The following UPK1B variants were observed in gnomAD, a reference collection of about 807,000 sequenced individuals.
UPK1B encodes the protein uroplakin-1b.
A neutral mutation model predicts 34.2 loss-of-function variants in UPK1B; 28 were observed. The ratio of observed to expected loss-of-function variants is 0.82; its 90% CI spans 0.61 to 1.12. UPK1B has a LOEUF of 1.12. Ranked by LOEUF, UPK1B falls within the 50% of genes most tolerant of loss-of-function variation. The probability of loss-of-function intolerance (pLI) is 0.00; values close to 1 mark genes in which losing one functional copy is unlikely to be tolerated. For synonymous variants in UPK1B, 81 were observed against 110.4 expected (o/e 0.73, Z 1.67); for missense variants, 325 against 320.9 (o/e 1.01, Z -0.10).
intron 5 of UPK1B, among the ~76,000 whole-genome samples, chr3:119,192,613 T>C (rs559631341): frequency 9.8e-5 from 15 of 152,294 alleles, no homozygotes; most frequent in Admixed American, 2.0e-4. Context: ...TTTAAGAATA[T>C]AGAAGAAATT....
rs1164478506 is a variant in UPK1B, at chr3:119,179,385, ATATATATATATATT to A, written c.-29+5748_-29+5761del. The stretch of plus-strand genomic sequence containing the variant: ...TATATATATATATATATATATATAT[ATATATATATATATT>A]AATTCTAAGGAATTAACCTATGTGA... On this transcript the variant is annotated intron_variant, in intron 1 of 7. Transcript: ENST00000264234. Among the ~76,000 whole-genome samples the A allele has an allele frequency of 1.6e-3, 140 of 87,696 alleles. 3 individuals carry two copies. Among genetic ancestry groups the A allele is most frequent in the South Asian group, 9.1e-3 (18 of 1,976 alleles). The allele number at this position is 87,696 out of a possible 152,430, so 57.5% of individuals were successfully genotyped here.
chr3:119,176,930 AC>A (rs985653133), intron 1 of UPK1B, among the ~76,000 whole-genome samples: 4 of 152,088 alleles, frequency 2.6e-5, no homozygotes, highest in African/African-American at 9.7e-5. Flanking sequence ...ACAGACCCAA[AC>A]CCCCAAATCA....
intron 1 of UPK1B, among the ~76,000 whole-genome samples, chr3:119,176,376 C>G (rs572379260): frequency 6.6e-6 from 1 of 152,092 alleles, no homozygotes; most frequent in African/African-American, 2.4e-5. Context: ...GTTTTTAGAC[C>G]TTTCAATGTG....
chr3:119,175,999 G>T (rs2107569726), intron 1 of UPK1B: 1 of 152,300 alleles, frequency 6.6e-6, no homozygotes, highest in African/African-American at 2.4e-5. Context: ...TATTTCCAGG[G>T]ACTTATCCTA....
At chr3:119,186,390 T>A (rs2078019698) in intron 1 of UPK1B, among the ~76,000 whole-genome samples, 1 of 152,200 alleles carries the variant, frequency 6.6e-6, no homozygotes, top group African/African-American at 2.4e-5. Flanking sequence ...TCAGTGTGTT[T>A]GGCCCTACCC....
intron 1 of UPK1B, among the ~76,000 whole-genome samples, chr3:119,181,748 C>T (rs4511891): frequency 0.99 from 150,452 of 152,374 alleles, 74,301 homozygotes; most frequent in Middle Eastern, 1. Flanking sequence ...GCGCCTACTA[C>T]ATGTCAGGTA....
At chr3:119,177,915 G>C (rs1376299529) in intron 1 of UPK1B, among the ~76,000 whole-genome samples, 1 of 152,194 alleles carries the variant, frequency 6.6e-6, no homozygotes, top group Non-Finnish European at 1.5e-5. Flanking sequence ...CAGAGAGAGG[G>C]ATATAGGGAA....
Position 119,204,171 on chromosome 3 carries a change from G to C in UPK1B, c.*204G>C, listed in dbSNP as rs1363296273. The C allele has an allele frequency of 1.8e-6, 1 of 567,102 alleles. No homozygotes were observed. The highest frequency in any genetic ancestry group is 1.9e-5 in the African/African-American group (1 of 53,568). 35.1% of individuals were successfully genotyped at this position (567,102 alleles called of 1,614,324 possible). On this transcript the variant is annotated 3_prime_UTR_variant, in exon 8 of 8. Coordinates refer to ENST00000264234, the MANE Select transcript of UPK1B (RefSeq NM_006952.4). ...ACTTTTCATCCTAGTCTAGCATTCT[G>C]CAACATTTATATAGACTGTTGAAAG...
chr3:119,197,087 A>T (rs1431102745), intron 6 of UPK1B, among the ~76,000 whole-genome samples: 1 of 152,128 alleles, frequency 6.6e-6, no homozygotes, highest in Non-Finnish European at 1.5e-5. Flanking sequence ...GGTTTTCAGG[A>T]TCTACAATGC....
chr3:119,191,197 C>A, intron 5 of UPK1B, 93 bp downstream of exon 5: 2 of 1,412,510 alleles, frequency 1.4e-6, no homozygotes, highest in Non-Finnish European at 1.9e-6. Context: ...TATTTTATTT[C>A]AAGCCATGAT....
intron 3 of UPK1B, among the ~76,000 whole-genome samples, chr3:119,189,454 C>T (rs2107432289): frequency 6.6e-6 from 1 of 152,358 alleles, no homozygotes; most frequent in Middle Eastern, 3.4e-3. Flanking sequence ...TGCAAACAGT[C>T]CCCATCCCAG....
intron 6 of UPK1B, among the ~76,000 whole-genome samples, chr3:119,196,045 T>C (rs1293474783): frequency 6.6e-6 from 1 of 151,744 alleles, no homozygotes; most frequent in Non-Finnish European, 1.5e-5. Context: ...CCACCTCCAC[T>C]ACCTACCAAC....
chr3:119,186,895 A>G, intron 2 of UPK1B, 85 bp downstream of exon 2: 1 of 1,421,316 alleles, frequency 7.0e-7, no homozygotes, highest in South Asian at 1.2e-5. Context: ...TTAAAGGAAA[A>G]TAATGCTGTG....
At chr3:119,186,679 A>C in intron 1 of UPK1B, 35 bp from the exon 2 acceptor site, 1 of 1,550,730 alleles carries the variant, frequency 6.4e-7, no homozygotes, top group Non-Finnish European at 8.9e-7. Context: ...CATGTTACAG[A>C]AACTGTAGCA....
chr3:119,190,405 G>A, intron 4 of UPK1B, 86 bp downstream of exon 4: 2 of 971,910 alleles, frequency 2.1e-6, no homozygotes, highest in Admixed American at 1.9e-5. Context: ...ATGTGCCCAG[G>A]CAATCCAATA....
chr3:119,190,899 G>A lies in UPK1B; in HGVS notation c.346-83G>A, dbSNP rs1042604132. On this transcript the variant is annotated intron_variant, in intron 4 of 7. Transcript: ENST00000264234. The stretch of plus-strand genomic sequence containing the variant: ...CAGGAGAGAATGTTCAGTGTCCCCA[G>A]GAAAAGACAGAGAAAAATATTTTCC... 1.6e-5 allele frequency: 25 copies of A among 1,569,052 alleles called. No individual in the cohort carries two copies. The African/African-American group carries it at 3.1e-4, about 20-fold the overall frequency.
At chr3:119,182,205 G>T (rs544318587) in intron 1 of UPK1B, among the ~76,000 whole-genome samples, 137 of 152,274 alleles carry the variant, frequency 9.0e-4, no homozygotes, top group African/African-American at 3.1e-3. Flanking sequence ...AGTACAAATG[G>T]GTATCTTGTG....
chr3:119,179,077 G>A (rs1319367547), intron 1 of UPK1B, among the ~76,000 whole-genome samples: 1 of 151,802 alleles, frequency 6.6e-6, no homozygotes, highest in Admixed American at 6.6e-5. Context: ...GGTGGCTCAC[G>A]CCTATAATCT....
At chr3:119,190,188 C>T in intron 3 of UPK1B, 57 bp from the exon 4 acceptor site, 1 of 1,319,718 alleles carries the variant, frequency 7.6e-7, no homozygotes, top group East Asian at 2.3e-5. Context: ...ATTATTTGGG[C>T]AAGTCGCTCT....
Sources: allele counts gnomAD v4.1 joint callset (sites outside exome capture counted in the v4.1 genomes callset), GRCh38; gene constraint gnomAD v4.1.1; transcripts MANE v1.5; gene names NCBI Gene and HGNC (gene_info 2026-07-23, HGNC 2026-07-21).